The following PCDHA13 variants were observed in gnomAD, a reference collection of about 807,000 sequenced individuals.
PCDHA13 encodes the protein protocadherin alpha-13.
Under a neutral mutation model 64.8 loss-of-function variants are expected in PCDHA13, and 54 were observed. The observed-to-expected ratio is 0.83, with a 90% CI of 0.67 to 1.04. PCDHA13 has a LOEUF of 1.04. PCDHA13 is among the 50% of genes least tolerant of loss of function. The pLI, the probability that PCDHA13 is intolerant of heterozygous loss-of-function variation, is 0.00. For synonymous variants in PCDHA13, 587 were observed against 564.4 expected, an observed-to-expected ratio of 1.04 and a Z score of -0.57; for missense variants, 1,248 against 1,254.3, an observed-to-expected ratio of 0.99 and a Z score of 0.08.
At chr5:140,917,287 G>A (rs190210744) in intron 1 of PCDHA13, among the ~76,000 whole-genome samples, 51 of 147,686 alleles carry the variant, frequency 3.5e-4, no homozygotes, top group Admixed American at 7.7e-4. Flanking sequence ...ACGCTTTTCC[G>A]TGTGCAGATA....
At chr5:140,960,715 CTTATTTTAGTCCA>C (rs60915889) in intron 1 of PCDHA13, among the ~76,000 whole-genome samples, 85,456 of 151,802 alleles carry the variant, frequency 0.56, 24,653 homozygotes, top group African/African-American at 0.69. Flanking sequence ...AAATACTCAT[CTTATTTTAGTCCA>C]TGATTTTAGT....
chr5:140,926,659 C>T, intron 1 of PCDHA13: 1 of 531,904 alleles, frequency 1.9e-6, no homozygotes, highest in Non-Finnish European at 3.0e-6. Context: ...CTCCGCTTTC[C>T]CAGACGGCTG....
At chr5:140,957,855 T>TC (rs1398127159) in intron 1 of PCDHA13, among the ~76,000 whole-genome samples, 1 of 151,980 alleles carries the variant, frequency 6.6e-6, no homozygotes, top group Non-Finnish European at 1.5e-5. Context: ...TTTGTGTATT[T>TC]TTTTTCCTAT....
Position 140,883,339 on chromosome 5 carries a change from C to A in PCDHA13, c.1071C>A (p.Leu357=), listed in dbSNP as rs142984869. 95 of 1,614,172 alleles carry A rather than the reference C, an allele frequency of 5.9e-5. No individual in the cohort carries two copies. The African/African-American group carries it at 1.1e-3, about 19-fold the overall frequency. ...APEVTITSLS[L]PIREDTQPSA... is the part of the protein sequence containing the mutation. ...AGGTTACCATCACTTCTTTGTCACTCCCCATCAGAGAAGACACTCAGCCTA... is the reference window on the plus strand; with the variant it reads ...AGGTTACCATCACTTCTTTGTCACTACCCATCAGAGAAGACACTCAGCCTA... The change falls in exon 1 of 4, where the codon CTC becomes CTA. Residue 357 remains leucine (L), a synonymous_variant. Coordinates refer to ENST00000289272, the MANE Select transcript of PCDHA13 (RefSeq NM_018904.3).
At position 140,882,452 on chromosome 5, in the gene PCDHA13, C is replaced by A. The variant is rs782448323; in HGVS notation, c.184C>A (p.Arg62Ser). ...LGLELAELVP[R>S]LFRVASKRHG... is the part of the protein sequence containing the mutation. ...GCTGGAGCTGGCGGAGCTGGTGCCG[C>A]GCCTGTTCCGGGTGGCGTCCAAAAG... The change falls in exon 1 of 4, where the codon CGC becomes AGC. Residue 62 changes from arginine to serine, a missense_variant. Coordinates refer to ENST00000289272, the MANE Select transcript of PCDHA13 (RefSeq NM_018904.3). 1 of 1,614,042 alleles carries A rather than the reference C, an allele frequency of 6.2e-7. No homozygotes were observed. Among genetic ancestry groups the A allele is most frequent in the East Asian group, 2.2e-5 (1 of 44,890 alleles).
chr5:140,970,222 C>T (rs1270140969), intron 1 of PCDHA13, among the ~76,000 whole-genome samples: 2 of 152,134 alleles, frequency 1.3e-5, no homozygotes, highest in Non-Finnish European at 2.9e-5. Context: ...TAAATGCAGC[C>T]TGTAATCTTC....
chr5:140,924,527 G>T (rs2081885403), intron 1 of PCDHA13, among the ~76,000 whole-genome samples: 1 of 152,074 alleles, frequency 6.6e-6, no homozygotes. Context: ...AAAAGAGAAT[G>T]CCCGAGCTAC....
chr5:140,906,680 C>T (rs2072848945), intron 1 of PCDHA13, among the ~76,000 whole-genome samples: 2 of 152,166 alleles, frequency 1.3e-5, no homozygotes, highest in Admixed American at 6.5e-5. Context: ...AACCTTCATT[C>T]CTGAAGGATC....
At chr5:140,902,044 AT>A (rs1222362795) in intron 1 of PCDHA13, among the ~76,000 whole-genome samples, 1 of 152,016 alleles carries the variant, frequency 6.6e-6, no homozygotes, top group Admixed American at 6.6e-5. Flanking sequence ...TTGTATGTTG[AT>A]TTTGTATCCT....
At chr5:140,961,193 G>C (rs1297758288) in intron 1 of PCDHA13, among the ~76,000 whole-genome samples, 1 of 152,124 alleles carries the variant, frequency 6.6e-6, no homozygotes, top group Non-Finnish European at 1.5e-5. Context: ...CAGGACCCTA[G>C]TGAGGTTGGT....
At chr5:140,898,748 G>C (rs1397892217) in intron 1 of PCDHA13, among the ~76,000 whole-genome samples, 44 of 152,222 alleles carry the variant, frequency 2.9e-4, no homozygotes, top group Non-Finnish European at 5.0e-4. Context: ...TAGCTTGATG[G>C]GGATGGCATT....
intron 1 of PCDHA13, among the ~76,000 whole-genome samples, chr5:140,942,466 A>G (rs1269455545): frequency 2.0e-5 from 3 of 152,266 alleles, no homozygotes; most frequent in African/African-American, 7.2e-5. Flanking sequence ...TAATACAATC[A>G]AATTCAAGCT....
chr5:141,004,608 T>A (rs2153981502), intron 3 of PCDHA13, among the ~76,000 whole-genome samples: 1 of 152,348 alleles, frequency 6.6e-6, no homozygotes, highest in African/African-American at 2.4e-5. Flanking sequence ...TTAGGCCTCA[T>A]GCAGAGTCCT....
In PCDHA13 at chr5:140,882,877, G is replaced by A; in HGVS notation, c.609G>A (p.Glu203=). ...SLVLRKTLDR[E]EIQEHSLLLT... ...TACTGAGGAAAACACTGGACAGAGA[G>A]GAAATTCAGGAACATAGTTTATTAC... The change falls in exon 1 of 4, where the codon GAG becomes GAA. Residue 203 remains glutamate, a synonymous_variant. Coordinates refer to ENST00000289272, the MANE Select transcript of PCDHA13 (RefSeq NM_018904.3). 1 of 1,614,208 alleles carries A rather than the reference G, an allele frequency of 6.2e-7. No individual in the cohort carries two copies. Among genetic ancestry groups the A allele is most frequent in the Non-Finnish European group, 8.5e-7 (1 of 1,180,038 alleles).
At chr5:140,933,721 C>T (rs957167505) in intron 1 of PCDHA13, among the ~76,000 whole-genome samples, 1 of 151,982 alleles carries the variant, frequency 6.6e-6, no homozygotes, top group African/African-American at 2.4e-5. Flanking sequence ...ATTGGTGATA[C>T]AGCTTTCTTA....
rs781920774 is a variant in PCDHA13 at position 140,882,850 on chromosome 5, T to A, written c.582T>A (p.Leu194=). 4 of 1,614,090 alleles carry A rather than the reference T, an allele frequency of 2.5e-6. No homozygotes were observed. In the African/African-American group the frequency reaches 5.3e-5, roughly 22 times the overall value. ...TTGAGCAAATGTCTTCATTATCACT[T>A]GTACTGAGGAAAACACTGGACAGAG... ...NSLEQMSSLS[L]VLRKTLDREE... The change falls in exon 1 of 4, where the codon CTT becomes CTA. Residue 194 remains leucine (L), a synonymous_variant. Coordinates refer to ENST00000289272, the MANE Select transcript of PCDHA13 (RefSeq NM_018904.3).
rs183542590 is a variant in PCDHA13 at position 140,969,555 on chromosome 5, C to T, written c.2395-9394C>T. On this transcript the variant is annotated intron_variant, in intron 1 of 3. Coordinates refer to ENST00000289272, the MANE Select transcript of PCDHA13 (RefSeq NM_018904.3). ...CATTTTCAGAGGCATGAAGCCTTGT[C>T]CATAAAATTGTTTGAGAAGTGAGGA... The T allele has an allele frequency of 1.2e-5, 15 of 1,213,382 alleles. 1 individual carries two copies. The highest frequency in any genetic ancestry group is 1.7e-5 in the South Asian group (1 of 59,354). The allele number at this position is 1,213,382 out of a possible 1,614,324, so 75.2% of individuals were successfully genotyped here. A position where few individuals can be genotyped will look rare whatever the true frequency, so the allele number is the denominator to read the frequency against.
rs1485742296 is a variant in PCDHA13, at chr5:140,974,143, T to C, written c.2395-4806T>C. On this transcript the variant is annotated intron_variant, in intron 1 of 3. Transcript: ENST00000289272. ...GTTTTAAATCTGCTAACCTGAAAACTATACAAGGGTTTTTCTTTCAAGAAT... is the reference window on the plus strand; with the variant it reads ...GTTTTAAATCTGCTAACCTGAAAACCATACAAGGGTTTTTCTTTCAAGAAT... 2.0e-5 allele frequency among the ~76,000 whole-genome samples: 3 copies of C among 152,324 alleles called. No homozygotes were observed. The East Asian group carries it at 5.8e-4, about 29-fold the overall frequency.
At chr5:140,969,342 G>A in intron 1 of PCDHA13, 1 of 1,613,630 alleles carries the variant, frequency 6.2e-7, no homozygotes, top group Non-Finnish European at 8.5e-7. Flanking sequence ...GTGAGACAGT[G>A]GTCAGGGGGT....
Sources: allele counts gnomAD v4.1 joint callset (sites outside exome capture counted in the v4.1 genomes callset), GRCh38; gene constraint gnomAD v4.1.1; transcripts MANE v1.5; gene names NCBI Gene and HGNC (gene_info 2026-07-23, HGNC 2026-07-21).